ADAMTS6: variants seen among roughly 807,000 people sequenced by gnomAD.
The protein encoded by ADAMTS6 is ADAM metallopeptidase with thrombospondin type 1 motif 6.
A neutral mutation model predicts 144.3 loss-of-function variants in ADAMTS6; 23 were observed. The observed-to-expected ratio is 0.16, with a 90% CI of 0.11 to 0.23. The LOEUF (loss-of-function observed/expected upper bound fraction) is 0.23. ADAMTS6 is among the 10% of genes least tolerant of loss of function. The probability of loss-of-function intolerance (pLI) is 1.00; values close to 1 mark genes in which losing one functional copy is unlikely to be tolerated. For missense variants in ADAMTS6, 999 were observed against 1,379.6 expected, an observed-to-expected ratio of 0.72 and a Z score of 4.37; for synonymous variants, 444 against 457.5, an observed-to-expected ratio of 0.97 and a Z score of 0.38.
intron 21 of ADAMTS6, among the ~76,000 whole-genome samples, chr5:65,196,379 C>T (rs190399920): frequency 0.011 from 1,602 of 151,408 alleles, 18 homozygotes; most frequent in Non-Finnish European, 0.014. Context: ...AAAATTTAGC[C>T]GGGTGTGGTG....
chr5:65,276,628 T>C (rs1033035659), intron 11 of ADAMTS6, among the ~76,000 whole-genome samples: 10 of 152,226 alleles, frequency 6.6e-5, no homozygotes, highest in African/African-American at 1.9e-4. Context: ...AACTGCTAAA[T>C]CCTAGAACAT....
At chr5:65,178,177 T>C (rs899772919) in intron 22 of ADAMTS6, among the ~76,000 whole-genome samples, 2 of 152,198 alleles carry the variant, frequency 1.3e-5, no homozygotes, top group Non-Finnish European at 2.9e-5. Context: ...GCTGAATAAC[T>C]GGAGTGGCAC....
chr5:65,274,326 A>T (rs537078674), intron 11 of ADAMTS6, among the ~76,000 whole-genome samples: 10 of 152,224 alleles, frequency 6.6e-5, no homozygotes, highest in African/African-American at 2.4e-4. Context: ...ATTTTTATAT[A>T]TAATCACCAA....
intron 12 of ADAMTS6, among the ~76,000 whole-genome samples, chr5:65,264,352 C>T (rs924342359): frequency 1.3e-5 from 2 of 152,142 alleles, no homozygotes; most frequent in African/African-American, 2.4e-5. Flanking sequence ...CCTTCATACA[C>T]TAATCTTGTT....
At chr5:65,390,397 A>G (rs370242600) in intron 7 of ADAMTS6, among the ~76,000 whole-genome samples, 17 of 152,340 alleles carry the variant, frequency 1.1e-4, no homozygotes, top group African/African-American at 4.1e-4. Context: ...GTGAGCTGGT[A>G]AAAACTAGAG....
intron 15 of ADAMTS6, among the ~76,000 whole-genome samples, chr5:65,236,428 C>T (rs1758673932): frequency 6.6e-6 from 1 of 152,144 alleles, no homozygotes; most frequent in African/African-American, 2.4e-5. Flanking sequence ...GCTGAGACTA[C>T]AGGCATGTGG....
chr5:65,181,143 G>T (rs1754325226), intron 22 of ADAMTS6, among the ~76,000 whole-genome samples: 1 of 152,204 alleles, frequency 6.6e-6, no homozygotes, highest in East Asian at 1.9e-4. Context: ...TTTTCTGGAT[G>T]TCAGGCACTG....
intron 7 of ADAMTS6, among the ~76,000 whole-genome samples, chr5:65,396,514 C>G (rs1753350567): frequency 6.6e-6 from 1 of 152,136 alleles, no homozygotes; most frequent in Non-Finnish European, 1.5e-5. Context: ...GCTGTCAAAC[C>G]ATCACCTCTT....
At chr5:65,187,622 T>C (rs1172195735) in intron 22 of ADAMTS6, among the ~76,000 whole-genome samples, 1 of 152,206 alleles carries the variant, frequency 6.6e-6, no homozygotes, top group African/African-American at 2.4e-5. Flanking sequence ...AAAAGGTCAT[T>C]CTAGGTCTTC....
At chr5:65,412,196 C>A (rs189839697) in intron 7 of ADAMTS6, among the ~76,000 whole-genome samples, 59 of 152,026 alleles carry the variant, frequency 3.9e-4, no homozygotes, top group Non-Finnish European at 7.4e-4. Context: ...GTGATATATC[C>A]TGGAAGAATA....
At position 65,301,442 on chromosome 5, in the gene ADAMTS6, T is replaced by C. The variant is rs143110048; in HGVS notation, c.1224-1311A>G. Among the ~76,000 whole-genome samples the C allele has an allele frequency of 1.1e-3, 165 of 152,284 alleles. 2 individuals are homozygous for C. In the East Asian group the frequency reaches 0.029, roughly 27 times the overall value. ...AAAAGTCTGGAAAGGTAGTTGGGAA[T>C]AGGTAAGTACAAGATAATTAATAAA... On this transcript the variant is annotated intron_variant, in intron 9 of 24. Coordinates refer to ENST00000381055, the MANE Select transcript of ADAMTS6 (RefSeq NM_197941.4).
intron 21 of ADAMTS6, among the ~76,000 whole-genome samples, chr5:65,190,486 A>G (rs796874484): frequency 1.4e-4 from 22 of 152,330 alleles, no homozygotes; most frequent in African/African-American, 5.3e-4. Flanking sequence ...TAAAACAGAA[A>G]TGTGTATTAC....
chr5:65,280,582 C>T (rs1762912692), intron 11 of ADAMTS6, among the ~76,000 whole-genome samples: 1 of 152,112 alleles, frequency 6.6e-6, no homozygotes, highest in African/African-American at 2.4e-5. Flanking sequence ...GAAACATTCA[C>T]ACATGAAAAA....
chr5:65,210,604 AC>A, intron 20 of ADAMTS6: 2 of 608,652 alleles, frequency 3.3e-6, no homozygotes, highest in South Asian at 3.6e-5. Context: ...AGTTTTTGGC[AC>A]CCCAAAGGAA....
chr5:65,411,376 T>C (rs1363024461), intron 7 of ADAMTS6, among the ~76,000 whole-genome samples: 5 of 152,204 alleles, frequency 3.3e-5, no homozygotes, highest in African/African-American at 1.2e-4. Flanking sequence ...CTGTTTTCCA[T>C]AGTGCCTATA....
chr5:65,207,853 T>C (rs1001086373), intron 20 of ADAMTS6, among the ~76,000 whole-genome samples: 1 of 152,242 alleles, frequency 6.6e-6, no homozygotes, highest in Admixed American at 6.5e-5. Context: ...TTTAGCTCTG[T>C]ATCAGATAAA....
At chr5:65,333,468 A>G (rs1746975614) in intron 8 of ADAMTS6, among the ~76,000 whole-genome samples, 1 of 152,078 alleles carries the variant, frequency 6.6e-6, no homozygotes, top group African/African-American at 2.4e-5. Context: ...ATAATATTTT[A>G]TAAGATTATT....
chr5:65,456,857 G>A (rs1759250080), intron 4 of ADAMTS6, among the ~76,000 whole-genome samples: 1 of 151,916 alleles, frequency 6.6e-6, no homozygotes, highest in African/African-American at 2.4e-5. Flanking sequence ...TCTATAAAAT[G>A]TTTAAAAATT....
At chr5:65,392,748 T>C (rs1176266160) in intron 7 of ADAMTS6, among the ~76,000 whole-genome samples, 1 of 152,190 alleles carries the variant, frequency 6.6e-6, no homozygotes, top group Non-Finnish European at 1.5e-5. Flanking sequence ...TCTAACACTT[T>C]GGAAAAACCA....
Sources: allele counts gnomAD v4.1 joint callset (sites outside exome capture counted in the v4.1 genomes callset), GRCh38; gene constraint gnomAD v4.1.1; transcripts MANE v1.5; gene names NCBI Gene and HGNC (gene_info 2026-07-23, HGNC 2026-07-21).